The following IMPG2 variants were observed in gnomAD, a reference collection of about 807,000 sequenced individuals.
The protein encoded by IMPG2 is IPM 200.
A neutral mutation model predicts 129.2 loss-of-function variants in IMPG2; 91 were observed. That is an observed-to-expected ratio of 0.70 (90% CI 0.59 to 0.84). The LOEUF (loss-of-function observed/expected upper bound fraction) is 0.84, where lower values mean the gene tolerates loss of function less well. Among genes scored for constraint, IMPG2 ranks in the 40% least tolerant of loss-of-function variants. IMPG2 has a pLI of 0.00. For missense variants in IMPG2, 1,430 were observed against 1,461.7 expected (o/e 0.98, Z 0.35); for synonymous variants, 510 against 517.7 (o/e 0.99, Z 0.20).
chr3:101,254,857 G>A (rs1465206173), intron 10 of IMPG2, among the ~76,000 whole-genome samples: 1 of 151,928 alleles, frequency 6.6e-6, no homozygotes. Flanking sequence ...TCTCATGATA[G>A]TAAGTGAGTC....
chr3:101,235,957 G>A (rs988629950), intron 14 of IMPG2, among the ~76,000 whole-genome samples: 2 of 152,192 alleles, frequency 1.3e-5, no homozygotes, highest in Admixed American at 1.3e-4. Flanking sequence ...GCCCTTGAGA[G>A]GGTGGCAGAG....
chr3:101,229,318 C>CCG, intron 17 of IMPG2, 62 bp downstream of exon 17: 14 of 1,136,272 alleles, frequency 1.2e-5, no homozygotes, highest in East Asian at 5.4e-5. Context: ...CCACCACCCC[C>CCG]TGCTCCCCCA....
Position 101,253,699 on chromosome 3 carries a change from A to G in IMPG2, c.1236T>C (p.Ile412=), listed in dbSNP as rs1207639020. Residue 412 remains isoleucine (I), a synonymous_variant, in exon 11 of 19, where the codon ATT becomes ATC. Coordinates refer to ENST00000193391, the MANE Select transcript of IMPG2 (RefSeq NM_016247.4). ...AGCATAAAACATAAAAACATACCAG[A>G]ATAGATGACGGCGTTGCCTGAAGAC... The part of the protein sequence containing the change: ...SSSLQATPSS[I]LDNTFQAAWP... 6 of 1,609,216 alleles carry G rather than the reference A, an allele frequency of 3.7e-6. No individual in the cohort carries two copies. The Admixed American group carries it at 1.0e-4, about 27-fold the overall frequency.
chr3:101,234,263 G>C (rs558449295), intron 14 of IMPG2, among the ~76,000 whole-genome samples: 55 of 151,254 alleles, frequency 3.6e-4, no homozygotes, highest in Admixed American at 5.9e-4. Context: ...AGGAAACAAG[G>C]CTATCTGGAG....
At chr3:101,229,908 A>T (rs1285226983) in intron 16 of IMPG2, among the ~76,000 whole-genome samples, 1 of 152,234 alleles carries the variant, frequency 6.6e-6, no homozygotes, top group Admixed American at 6.5e-5. Flanking sequence ...CTGTAGCTTC[A>T]TCATTCCCAG....
At chr3:101,240,067 T>TAA (rs113986295) in intron 14 of IMPG2, among the ~76,000 whole-genome samples, 3 of 146,270 alleles carry the variant, frequency 2.1e-5, no homozygotes, top group Non-Finnish European at 4.5e-5. Context: ...TGAAGTATAA[T>TAA]AAAAAAAAAA....
intron 3 of IMPG2, among the ~76,000 whole-genome samples, chr3:101,297,236 G>A (rs1270324073): frequency 2.6e-5 from 4 of 152,158 alleles, no homozygotes. Context: ...GGGATCAGTG[G>A]TGATGTCCCC....
At chr3:101,300,430 C>T (rs914195316) in intron 3 of IMPG2, among the ~76,000 whole-genome samples, 11 of 152,204 alleles carry the variant, frequency 7.2e-5, no homozygotes, top group African/African-American at 2.7e-4. Flanking sequence ...TTGCCCCTCC[C>T]GCGGGGAGCT....
At chr3:101,229,300 A>ACCCCCCCCCCCCCCCCCCCGGGCC in intron 17 of IMPG2, 80 bp downstream of exon 17, 5 of 859,118 alleles carry the variant, frequency 5.8e-6, no homozygotes, top group East Asian at 2.9e-5. Context: ...ACTCATACAC[A>ACCCCCCCCCCCCCCCCCCCGGGCC]CCCCCACCCA....
At chr3:101,279,907 C>G (rs1297480596) in intron 4 of IMPG2, among the ~76,000 whole-genome samples, 2 of 152,208 alleles carry the variant, frequency 1.3e-5, no homozygotes, top group Admixed American at 1.3e-4. Context: ...TTTCAAGAGA[C>G]AGTAAAGAAC....
chr3:101,245,399 A>G (rs1706465459), intron 12 of IMPG2, among the ~76,000 whole-genome samples: 1 of 152,220 alleles, frequency 6.6e-6, no homozygotes, highest in South Asian at 2.1e-4. Flanking sequence ...TACTACAAGT[A>G]AAAATCTTTA....
intron 10 of IMPG2, among the ~76,000 whole-genome samples, chr3:101,254,029 C>A (rs949601673): frequency 6.6e-6 from 1 of 152,060 alleles, no homozygotes; most frequent in Non-Finnish European, 1.5e-5. Context: ...TAGGACACTC[C>A]TCTATTACTT....
At chr3:101,273,559 T>G (rs2107250959) in intron 7 of IMPG2, 22 bp downstream of exon 7, 1 of 1,610,754 alleles carries the variant, frequency 6.2e-7, no homozygotes, top group Non-Finnish European at 8.5e-7. Context: ...CTGCCTTGTT[T>G]GTTTTTTTTT....
chr3:101,229,321 CT>C, intron 17 of IMPG2, 58 bp downstream of exon 17: 7 of 864,548 alleles, frequency 8.1e-6, no homozygotes, highest in East Asian at 7.9e-5. Flanking sequence ...CCACCCCCTG[CT>C]CCCCCACACA....
At chr3:101,255,990 A>G (rs1433624490) in intron 10 of IMPG2, among the ~76,000 whole-genome samples, 1 of 145,306 alleles carries the variant, frequency 6.9e-6, no homozygotes, top group Non-Finnish European at 1.5e-5. Context: ...TGTCACATTA[A>G]AAAAAACGTT....
rs1559663096 is a variant in IMPG2 at position 101,320,309 on chromosome 3, C to G, written c.64G>C (p.Gly22Arg). 6.3e-7 allele frequency: 1 copy of G among 1,595,074 alleles called. No individual in the cohort carries two copies. The highest frequency in any genetic ancestry group is 8.6e-7 in the Non-Finnish European group (1 of 1,163,530). The change falls in exon 1 of 19, where the codon GGA becomes CGA. Residue 22 changes from glycine to arginine, a missense_variant. By Grantham distance (125) the Gly-to-Arg change is moderately radical. Coordinates refer to ENST00000193391, the MANE Select transcript of IMPG2 (RefSeq NM_016247.4). ...LGILIFVLIEGDFPSLTAQTY... is the reference protein window; with the variant it reads ...LGILIFVLIERDFPSLTAQTY... The stretch of plus-strand genomic sequence containing the variant: ...ATACCTGTTAATGATGGAAAGTCTC[C>G]TTCTATCAGGACAAATATCAAAATA...
At chr3:101,236,747 C>T (rs78958649) in intron 14 of IMPG2, among the ~76,000 whole-genome samples, 19,503 of 152,128 alleles carry the variant, frequency 0.13, 1,311 homozygotes, top group South Asian at 0.17. Flanking sequence ...CTAGGGCCCT[C>T]AGTTTCAAGC....
chr3:101,289,985 G>A lies in IMPG2; in HGVS notation c.533+1494C>T, dbSNP rs1011699272. On this transcript the variant is annotated intron_variant, in intron 4 of 18. Transcript: ENST00000193391. ...CCATTCATTCACTGATGAGAGGAAC[G>A]TAGAAAGAAACAGATTTGTGACGAA... Among the ~76,000 whole-genome samples, 13 of 151,156 alleles carry A rather than the reference G, an allele frequency of 8.6e-5. No individual in the cohort carries two copies. The South Asian group carries it at 1.1e-3, about 12-fold the overall frequency.
At chr3:101,291,004 G>T (rs1162955186) in intron 4 of IMPG2, among the ~76,000 whole-genome samples, 1 of 152,080 alleles carries the variant, frequency 6.6e-6, no homozygotes, top group Non-Finnish European at 1.5e-5. Flanking sequence ...AGCCAGAAAC[G>T]ACCTTAGCTC....
Sources: gnomAD v4.1 joint callset for allele counts (sites outside exome capture counted in the v4.1 genomes callset) on GRCh38, gnomAD v4.1.1 for gene constraint, MANE v1.5 for transcripts, NCBI Gene and HGNC (gene_info 2026-07-23, HGNC 2026-07-21) for gene names.